Variants in SETBP1 observed in about 807,000 individuals in gnomAD.
SETBP1 encodes SET-binding protein.
Under a neutral mutation model 101.0 loss-of-function variants are expected in SETBP1, and 9 were observed. The ratio of observed to expected loss-of-function variants is 0.09; its 90% CI spans 0.05 to 0.16. SETBP1 has a LOEUF of 0.16. Ranked by LOEUF, SETBP1 falls within the 10% of genes least tolerant of loss-of-function variation. The probability of loss-of-function intolerance (pLI) is 1.00; values close to 1 mark genes in which losing one functional copy is unlikely to be tolerated. For synonymous variants in SETBP1, 818 were observed against 788.5 expected, an observed-to-expected ratio of 1.04 and a Z score of -0.63; for missense variants, 1,858 against 2,033.8, an observed-to-expected ratio of 0.91 and a Z score of 1.66.
At chr18:45,016,737 A>ATG (rs1568030046) in intron 4 of SETBP1, among the ~76,000 whole-genome samples, 3 of 129,360 alleles carry the variant, frequency 2.3e-5, no homozygotes, top group Non-Finnish European at 4.9e-5. Flanking sequence ...GCGCGCACAC[A>ATG]CACACACACA....
At position 45,050,327 on chromosome 18, in the gene SETBP1, C is replaced by T. The variant is rs1044067891; in HGVS notation, c.4171+11672C>T. On this transcript the variant is annotated intron_variant, in intron 5 of 5. Transcript: ENST00000649279. The stretch of plus-strand genomic sequence containing the variant: ...GAAAGCTACCTCCTCACCCCCACAA[C>T]TAGTAAAGAGTAAAAGTCCTTTTTG... Among the ~76,000 whole-genome samples the T allele has an allele frequency of 4.6e-5, 7 of 152,308 alleles. 1 individual carries two copies. The highest frequency in any genetic ancestry group is 1.7e-4 in the African/African-American group (7 of 41,566).
chr18:44,892,673 G>C (rs1291468172), intron 3 of SETBP1, among the ~76,000 whole-genome samples: 1 of 152,034 alleles, frequency 6.6e-6, no homozygotes, highest in Non-Finnish European at 1.5e-5. Flanking sequence ...TGTGTATAGA[G>C]TTCAAATATA....
At chr18:44,944,817 TC>T (rs1334802077) in intron 3 of SETBP1, among the ~76,000 whole-genome samples, 4 of 152,132 alleles carry the variant, frequency 2.6e-5, no homozygotes, top group Admixed American at 2.6e-4. Flanking sequence ...TAGATTCAAA[TC>T]ACCATCTTCT....
intron 3 of SETBP1, among the ~76,000 whole-genome samples, chr18:44,882,928 C>T (rs1407663835): frequency 2.6e-5 from 4 of 152,132 alleles, no homozygotes; most frequent in Non-Finnish European, 4.4e-5. Context: ...GATAATGTTC[C>T]TGGCTCTCAG....
intron 4 of SETBP1, among the ~76,000 whole-genome samples, chr18:45,001,972 G>C (rs1221668188): frequency 6.6e-6 from 1 of 151,974 alleles, no homozygotes; most frequent in Non-Finnish European, 1.5e-5. Context: ...ATTATCCAAG[G>C]CTCCCCCACC....
rs748872844 is a variant in SETBP1 at position 44,953,291 on chromosome 18, C to G, written c.3951C>G (p.Phe1317Leu). 21 of 1,613,916 alleles carry G rather than the reference C, an allele frequency of 1.3e-5. 1 individual carries two copies. In the East Asian group the frequency reaches 4.2e-4, roughly 33 times the overall value. ...ACAGGGAAAAGGACATCCAAGCCTT[C>G]AAGATGAACCGCAAGGAGAGAAGTT... ...GTYREKDIQA[F>L]KMNRKERSSY... is the part of the protein sequence containing the mutation. Residue 1317 changes from phenylalanine to leucine, a missense_variant, in exon 4 of 6, where the codon TTC (phenylalanine) becomes TTG (leucine). Coordinates refer to ENST00000649279, the MANE Select transcript of SETBP1 (RefSeq NM_015559.3).
intron 3 of SETBP1, among the ~76,000 whole-genome samples, chr18:44,898,274 C>T (rs1198069702): frequency 6.6e-6 from 1 of 152,016 alleles, no homozygotes; most frequent in Admixed American, 6.6e-5. Context: ...AATGGGTTTC[C>T]TGGAAGTAAT....
chr18:44,800,570 G>A (rs1296861009), intron 2 of SETBP1, among the ~76,000 whole-genome samples: 3 of 152,178 alleles, frequency 2.0e-5, no homozygotes, highest in Admixed American at 2.0e-4. Context: ...TGTGCAGAGG[G>A]GTGAGCAGGA....
At chr18:44,804,453 CT>C (rs2071683386) in intron 2 of SETBP1, among the ~76,000 whole-genome samples, 1 of 152,122 alleles carries the variant, frequency 6.6e-6, no homozygotes, top group Admixed American at 6.6e-5. Context: ...GGAGAACATT[CT>C]GGCAGAATAT....
chr18:45,043,522 G>A (rs1452398118), intron 5 of SETBP1, among the ~76,000 whole-genome samples: 1 of 151,956 alleles, frequency 6.6e-6, no homozygotes, highest in African/African-American at 2.4e-5. Flanking sequence ...GAGATAACAA[G>A]GAAGTAGAGT....
intron 4 of SETBP1, among the ~76,000 whole-genome samples, chr18:44,992,120 T>C (rs1010170726): frequency 1.3e-5 from 2 of 152,028 alleles, no homozygotes; most frequent in Non-Finnish European, 2.9e-5. Flanking sequence ...TGGAGAGAAA[T>C]TTAGAAGTTT....
intron 2 of SETBP1, among the ~76,000 whole-genome samples, chr18:44,847,730 A>G (rs2072752688): frequency 1.3e-5 from 2 of 152,206 alleles, no homozygotes; most frequent in African/African-American, 4.8e-5. Flanking sequence ...GGAGATACAC[A>G]ATAATTGAGT....
At chr18:44,868,525 T>G (rs1199054606) in intron 2 of SETBP1, among the ~76,000 whole-genome samples, 1 of 151,938 alleles carries the variant, frequency 6.6e-6, no homozygotes, top group Middle Eastern at 3.2e-3. Context: ...AGAGACCTCG[T>G]CTCTACTAAA....
At chr18:44,697,477 G>A (rs182769502) in intron 1 of SETBP1, 1 of 152,438 alleles carries the variant, frequency 6.6e-6, no homozygotes, top group African/African-American at 2.4e-5. Flanking sequence ...TGCTGCCTGG[G>A]TGGGTGGAGC....
chr18:44,915,506 T>C (rs2070406242), intron 3 of SETBP1, among the ~76,000 whole-genome samples: 1 of 152,070 alleles, frequency 6.6e-6, no homozygotes, highest in African/African-American at 2.4e-5. Context: ...AGAGCACTGT[T>C]TAGAAGAAAA....
intron 5 of SETBP1, among the ~76,000 whole-genome samples, chr18:45,041,812 C>T (rs2073513422): frequency 6.6e-6 from 1 of 151,866 alleles, no homozygotes; most frequent in East Asian, 1.9e-4. Flanking sequence ...CAAAAATTAA[C>T]CAGGTGTGGT....
chr18:45,038,335 T>C, intron 4 of SETBP1, 150 bp from the exon 5 acceptor site: 1 of 794,308 alleles, frequency 1.3e-6, no homozygotes. Context: ...CTATTTTTTC[T>C]CTTTTAGCAT....
At chr18:44,722,376 T>C (rs1055619864) in intron 2 of SETBP1, among the ~76,000 whole-genome samples, 1 of 152,210 alleles carries the variant, frequency 6.6e-6, no homozygotes, top group Admixed American at 6.5e-5. Flanking sequence ...CACACAATTT[T>C]GCCTCAATTC....
At chr18:44,719,766 T>C (rs891840940) in intron 2 of SETBP1, among the ~76,000 whole-genome samples, 7 of 152,196 alleles carry the variant, frequency 4.6e-5, no homozygotes, top group Non-Finnish European at 8.8e-5. Flanking sequence ...TGGGCCCTGA[T>C]TGCAGGAGCA....
Sources: gnomAD v4.1 joint callset for allele counts (sites outside exome capture counted in the v4.1 genomes callset) on GRCh38, gnomAD v4.1.1 for gene constraint, MANE v1.5 for transcripts, NCBI Gene and HGNC (gene_info 2026-07-23, HGNC 2026-07-21) for gene names.